CARHSP1: variants seen among roughly 807,000 people sequenced by gnomAD.
The protein encoded by CARHSP1 is calcium regulated heat stable protein 1.
Under a neutral mutation model 12.5 loss-of-function variants are expected in CARHSP1, and 14 were observed. The ratio of observed to expected loss-of-function variants is 1.12; its 90% CI spans 0.74 to 1.75. The LOEUF is 1.75. Ranked by LOEUF, CARHSP1 falls within the 40% of genes most tolerant of loss-of-function variation. The probability of loss-of-function intolerance (pLI) is 0.00; values close to 1 mark genes in which losing one functional copy is unlikely to be tolerated. For synonymous variants in CARHSP1, 161 were observed against 82.0 expected, an observed-to-expected ratio of 1.96 and a Z score of -5.20; for missense variants, 343 against 201.6, an observed-to-expected ratio of 1.70 and a Z score of -4.25.
intron 1 of CARHSP1, chr16:8,860,137 G>C (rs999305763): frequency 6.1e-6 from 6 of 985,438 alleles, no homozygotes; most frequent in Non-Finnish European, 7.2e-6. Flanking sequence ...GGGAACTGTG[G>C]AACACGTCGC....
At chr16:8,855,399 C>T in intron 3 of CARHSP1, 73 bp from the exon 4 acceptor site, 1 of 1,328,814 alleles carries the variant, frequency 7.5e-7, no homozygotes, top group South Asian at 1.8e-5. Flanking sequence ...ACCAGCCACC[C>T]TTCTGGTCAC....
chr16:8,858,922 C>A, intron 2 of CARHSP1: 1 of 450,108 alleles, frequency 2.2e-6, no homozygotes, highest in Non-Finnish European at 3.9e-6. Flanking sequence ...TAAAGCCCAG[C>A]GATTCTGACC....
chr16:8,861,085 G>C (rs898376502), intron 1 of CARHSP1, among the ~76,000 whole-genome samples: 5 of 145,844 alleles, frequency 3.4e-5, no homozygotes, highest in Admixed American at 2.0e-4. Flanking sequence ...TTTTGAGACA[G>C]TGTCTCACTG....
At chr16:8,859,119 C>T in intron 2 of CARHSP1, 52 bp downstream of exon 2, 1 of 1,502,420 alleles carries the variant, frequency 6.7e-7, no homozygotes, top group Non-Finnish European at 9.0e-7. Flanking sequence ...AATCTCTGGC[C>T]TCAGGCAAGA....
rs71155412 is a variant in CARHSP1, at chr16:8,863,112, C to CTTTTTTT, written c.-7-3784_-7-3778dup. 5.4e-5 allele frequency among the ~76,000 whole-genome samples: 4 copies of CTTTTTTT among 74,142 alleles called. 1 individual carries two copies. Among genetic ancestry groups the CTTTTTTT allele is most frequent in the African/African-American group, 1.7e-4 (3 of 17,170 alleles). The allele number at this position is 74,142 out of a possible 152,430, so 48.6% of individuals were successfully genotyped here. On this transcript the variant is annotated intron_variant, in intron 1 of 3. Transcript: ENST00000311052. ...GGTCCAGGAATGGCCACAAGGATGG[C>CTTTTTTT]TTTTTTTTTTTTTTTTTTTTTTTTT...
chr16:8,868,789 C>T (rs2061487247), intron 1 of CARHSP1, 177 bp downstream of exon 1: 1 of 152,302 alleles, frequency 6.6e-6, no homozygotes, highest in East Asian at 2.0e-4. Context: ...GGAGGAGCAA[C>T]CCGCGTTCCC....
Position 8,859,051 on chromosome 16 carries a change from C to A in CARHSP1, c.158+120G>T, listed in dbSNP as rs891710249. 7.5e-6 allele frequency: 7 copies of A among 927,642 alleles called. No individual in the cohort carries two copies. In the African/African-American group the frequency reaches 1.2e-4, roughly 15 times the overall value. 57.5% of individuals were successfully genotyped at this position (927,642 alleles called of 1,614,324 possible). On this transcript the variant is annotated intron_variant, in intron 2 of 3. Coordinates refer to ENST00000311052, the MANE Select transcript of CARHSP1 (RefSeq NM_014316.4). ...TCACCCTCAGCCCACGGCCCAGCCCCAGGTCTGCCTATTTGGCAGTCCGGG... is the reference window on the plus strand; with the variant it reads ...TCACCCTCAGCCCACGGCCCAGCCCAAGGTCTGCCTATTTGGCAGTCCGGG...
chr16:8,863,111 G>GAT (rs1567188997), intron 1 of CARHSP1, among the ~76,000 whole-genome samples: 1 of 90,924 alleles, frequency 1.1e-5, no homozygotes, highest in Non-Finnish European at 2.2e-5. Flanking sequence ...CACAAGGATG[G>GAT]CTTTTTTTTT....
chr16:8,860,712 C>CAGCAAA (rs2061327379), intron 1 of CARHSP1, among the ~76,000 whole-genome samples: 1 of 151,992 alleles, frequency 6.6e-6, no homozygotes, highest in Non-Finnish European at 1.5e-5. Flanking sequence ...ACAGCAGCAG[C>CAGCAAA]CCTGGATCGG....
chr16:8,858,643 A>C lies in CARHSP1; in HGVS notation c.159-171T>G, dbSNP rs186967001. 528 of 765,528 alleles carry C rather than the reference A, an allele frequency of 6.9e-4. 7 individuals carry two copies. The South Asian group carries it at 7.1e-3, about 10-fold the overall frequency. The allele number at this position is 765,528 out of a possible 1,614,324, so 47.4% of individuals were successfully genotyped here. ...TCAACCCTGGGAGCCGCTCACAAAG[A>C]CGCTGGGGGAAAGGACTCTTTGGAT... On this transcript the variant is annotated intron_variant, in intron 2 of 3. Coordinates refer to ENST00000311052, the MANE Select transcript of CARHSP1 (RefSeq NM_014316.4).
intron 3 of CARHSP1, 122 bp downstream of exon 3, chr16:8,858,214 CCACAGGCAGAGTCA>C: frequency 9.5e-7 from 1 of 1,051,796 alleles, no homozygotes; most frequent in Non-Finnish European, 1.4e-6. Flanking sequence ...GGAGCACCAG[CCACAGGCAGAGTCA>C]CACAGGCCCA....
chr16:8,856,849 T>TG (rs1395170599), intron 3 of CARHSP1, among the ~76,000 whole-genome samples: 2 of 152,022 alleles, frequency 1.3e-5, no homozygotes, highest in African/African-American at 4.8e-5. Context: ...AGGTGAAGCA[T>TG]GGGGGGCTGG....
chr16:8,857,461 T>TTTC (rs1436338106), intron 3 of CARHSP1: 1 of 93,982 alleles, frequency 1.1e-5, no homozygotes, highest in Non-Finnish European at 2.1e-5. Flanking sequence ...TTTTTTTTTT[T>TTTC]TTCTATTTTT....
At chr16:8,859,435 T>G in intron 1 of CARHSP1, 100 bp from the exon 2 acceptor site, 3 of 1,070,194 alleles carry the variant, frequency 2.8e-6, no homozygotes, top group Non-Finnish European at 2.7e-6. Flanking sequence ...CTGAGGCTCA[T>G]TCCTCTCGGG....
chr16:8,855,036 G>C lies in CARHSP1; in HGVS notation c.*128C>G. 4.3e-6 allele frequency: 3 copies of C among 695,620 alleles called. No homozygotes were observed. The highest frequency in any genetic ancestry group is 6.4e-6 in the Non-Finnish European group (3 of 468,146). The allele number at this position is 695,620 out of a possible 1,614,324, so 43.1% of individuals were successfully genotyped here. A position where few individuals can be genotyped will look rare whatever the true frequency, so the allele number is the denominator to read the frequency against. On this transcript the variant is annotated 3_prime_UTR_variant, in exon 4 of 4. Transcript: ENST00000311052. The stretch of plus-strand genomic sequence containing the variant: ...GCCCCCCATACCCCTTCCTCCAGGA[G>C]ATACTTGAGAGGGACCATGCCCGGC...
At chr16:8,864,188 A>G (rs1034500428) in intron 1 of CARHSP1, among the ~76,000 whole-genome samples, 2 of 152,206 alleles carry the variant, frequency 1.3e-5, no homozygotes, top group African/African-American at 4.8e-5. Flanking sequence ...GTATATACGC[A>G]TGTGTACACA....
At chr16:8,861,440 G>T (rs767478532) in intron 1 of CARHSP1, among the ~76,000 whole-genome samples, 1 of 151,376 alleles carries the variant, frequency 6.6e-6, no homozygotes, top group Non-Finnish European at 1.5e-5. Flanking sequence ...CTCATTTATA[G>T]GAGTCTTCAA....
intron 1 of CARHSP1, among the ~76,000 whole-genome samples, chr16:8,861,420 C>T (rs1010139459): frequency 6.6e-6 from 1 of 151,748 alleles, no homozygotes; most frequent in Non-Finnish European, 1.5e-5. Context: ...CAGTTTGCCC[C>T]CCCAGTCCCC....
chr16:8,862,842 C>A (rs998902784), intron 1 of CARHSP1, among the ~76,000 whole-genome samples: 1 of 151,916 alleles, frequency 6.6e-6, no homozygotes, highest in African/African-American at 2.4e-5. Context: ...TTGTCACCAT[C>A]GTCGTCCTCC....
Sources: allele counts gnomAD v4.1 joint callset (sites outside exome capture counted in the v4.1 genomes callset), GRCh38; gene constraint gnomAD v4.1.1; transcripts MANE v1.5; gene names NCBI Gene and HGNC (gene_info 2026-07-23, HGNC 2026-07-21).